Variants in UNC13C observed in about 807,000 individuals in gnomAD.
UNC13C encodes unc-13 homolog C.
In UNC13C, 174 loss-of-function variants were observed where a neutral mutation model predicts 245.4. The ratio of observed to expected loss-of-function variants is 0.71; its 90% CI spans 0.63 to 0.80. The LOEUF is 0.80. Ranked by LOEUF, UNC13C falls within the 30% of genes least tolerant of loss-of-function variation. The pLI, the probability that UNC13C is intolerant of heterozygous loss-of-function variation, is 0.00. For synonymous variants in UNC13C, 992 were observed against 895.1 expected, an observed-to-expected ratio of 1.11 and a Z score of -1.93; for missense variants, 2,829 against 2,602.9, an observed-to-expected ratio of 1.09 and a Z score of -1.89.
At chr15:54,355,901 A>G (rs1438105319) in intron 17 of UNC13C, among the ~76,000 whole-genome samples, 1 of 152,182 alleles carries the variant, frequency 6.6e-6, no homozygotes, top group African/African-American at 2.4e-5. Flanking sequence ...CGTGTCATAG[A>G]TGTATATATA....
the UNC13C span, among the ~76,000 whole-genome samples, chr15:53,942,375 G>C: frequency 6.6e-6 from 1 of 152,000 alleles, no homozygotes; most frequent in Non-Finnish European, 1.5e-5. Flanking sequence ...ACACATGTGG[G>C]GAAACCACAT....
intron 2 of UNC13C, among the ~76,000 whole-genome samples, chr15:54,036,476 C>T (rs146395317): frequency 1.1e-4 from 16 of 152,304 alleles, no homozygotes; most frequent in Middle Eastern, 3.4e-3. Flanking sequence ...TCACTTAACG[C>T]GCTCAAAAGT....
chr15:54,394,810 C>A (rs554949966), intron 18 of UNC13C, among the ~76,000 whole-genome samples: 29 of 151,800 alleles, frequency 1.9e-4, no homozygotes, highest in Non-Finnish European at 4.1e-4. Flanking sequence ...ATTAAAGTAT[C>A]CATGATTTAT....
At chr15:54,400,148 T>G (rs2040152052) in intron 18 of UNC13C, among the ~76,000 whole-genome samples, 1 of 151,994 alleles carries the variant, frequency 6.6e-6, no homozygotes, top group African/African-American at 2.4e-5. Context: ...AGTATTTATC[T>G]CTAAAAATTA....
chr15:54,435,700 T>C (rs2040969340), intron 19 of UNC13C, among the ~76,000 whole-genome samples: 1 of 151,528 alleles, frequency 6.6e-6, no homozygotes, highest in African/African-American at 2.4e-5. Flanking sequence ...AACTGCACGT[T>C]AGGCACATGT....
At chr15:53,919,522 CAACT>C in the UNC13C span, among the ~76,000 whole-genome samples, 1 of 152,144 alleles carries the variant, frequency 6.6e-6, no homozygotes, top group East Asian at 1.9e-4. Context: ...AAACAGAATG[CAACT>C]AAGTTCATCT....
chr15:54,404,171 C>A (rs556525149), intron 18 of UNC13C, among the ~76,000 whole-genome samples: 2 of 152,158 alleles, frequency 1.3e-5, no homozygotes, highest in African/African-American at 2.4e-5. Flanking sequence ...GATGCATACA[C>A]GACAGGCAGT....
chr15:54,474,476 T>C (rs1892621545), intron 19 of UNC13C, among the ~76,000 whole-genome samples: 1 of 151,904 alleles, frequency 6.6e-6, no homozygotes, highest in South Asian at 2.1e-4. Context: ...ATGTCATTTT[T>C]TTTGAGAAAT....
the UNC13C span, among the ~76,000 whole-genome samples, chr15:53,855,490 A>T: frequency 1.3e-5 from 2 of 152,110 alleles, no homozygotes; most frequent in African/African-American, 4.8e-5. Context: ...GTTAGTTAAG[A>T]GTTTTTAAAA....
At chr15:53,973,135 G>A in the UNC13C span, among the ~76,000 whole-genome samples, 1 of 152,090 alleles carries the variant, frequency 6.6e-6, no homozygotes, top group African/African-American at 2.4e-5. Flanking sequence ...TGGCCATACA[G>A]GTGGAAAGTA....
chr15:54,577,604 TG>T (rs1312173988), intron 30 of UNC13C, among the ~76,000 whole-genome samples: 1 of 152,182 alleles, frequency 6.6e-6, no homozygotes. Flanking sequence ...CCTCTCAGCC[TG>T]GCTCTGTCCT....
At chr15:54,493,503 G>A (rs566683916) in intron 19 of UNC13C, among the ~76,000 whole-genome samples, 1 of 152,132 alleles carries the variant, frequency 6.6e-6, no homozygotes, top group South Asian at 2.1e-4. Flanking sequence ...TTATGTTCAC[G>A]ATTGGGATTT....
chr15:54,600,186 A>C (rs952279786), intron 30 of UNC13C, among the ~76,000 whole-genome samples: 4 of 152,106 alleles, frequency 2.6e-5, no homozygotes, highest in African/African-American at 4.8e-5. Context: ...GAGTGATTTC[A>C]TGGTAGCACA....
chr15:54,261,847 G>A (rs1180932434), intron 8 of UNC13C, among the ~76,000 whole-genome samples: 1 of 152,084 alleles, frequency 6.6e-6, no homozygotes, highest in Non-Finnish European at 1.5e-5. Context: ...CCGGCCATAA[G>A]TAGAAATTTT....
At chr15:54,356,841 A>G (rs1172957333) in intron 17 of UNC13C, among the ~76,000 whole-genome samples, 2 of 152,152 alleles carry the variant, frequency 1.3e-5, no homozygotes, top group African/African-American at 4.8e-5. Context: ...AGGAATTTCA[A>G]TTTACATTTA....
At chr15:54,509,103 G>A (rs1321044996) in intron 23 of UNC13C, among the ~76,000 whole-genome samples, 1 of 152,168 alleles carries the variant, frequency 6.6e-6, no homozygotes, top group East Asian at 1.9e-4. Context: ...GGAGGCTGAG[G>A]CAGGAGAATT....
chr15:53,895,437 T>C, the UNC13C span, among the ~76,000 whole-genome samples: 1 of 151,752 alleles, frequency 6.6e-6, no homozygotes, highest in Admixed American at 6.6e-5. Flanking sequence ...AATTTAGGCA[T>C]GGTCTACTAC....
rs1449740514 is a variant in UNC13C, at chr15:54,352,486, A to T, written c.4713+13997A>T. The stretch of plus-strand genomic sequence containing the variant: ...TAATGAAATGGTATCTAATGTGCTG[A>T]TTAGACATAGTCTCTTTTATTAAAA... On this transcript the variant is annotated intron_variant, in intron 17 of 32. Transcript: ENST00000260323. Among the ~76,000 whole-genome samples the T allele has an allele frequency of 2.6e-5, 4 of 151,662 alleles. No homozygotes were observed. The East Asian group carries it at 5.8e-4, about 22-fold the overall frequency.
chr15:54,457,892 G>GTTTTTTTTTTTTTTTTCTTTTTTTTT (rs34133938), intron 19 of UNC13C, among the ~76,000 whole-genome samples: 3 of 122,992 alleles, frequency 2.4e-5, no homozygotes, highest in Admixed American at 8.6e-5. Context: ...TCTGCTTTTC[G>GTTTTTTTTTTTTTTTTCTTTTTTTTT]TTTTTTTTTT....
Sources: allele counts gnomAD v4.1 joint callset (sites outside exome capture counted in the v4.1 genomes callset), GRCh38; gene constraint gnomAD v4.1.1; transcripts MANE v1.5; gene names NCBI Gene and HGNC (gene_info 2026-07-23, HGNC 2026-07-21).